The following MYO1B variants were observed in gnomAD, a reference collection of about 807,000 sequenced individuals.
MYO1B encodes myosin IB.
In MYO1B, 72 loss-of-function variants were observed where a neutral mutation model predicts 159.7. That is an observed-to-expected ratio of 0.45 (90% CI 0.37 to 0.55). MYO1B has a LOEUF of 0.55. Ranked by LOEUF, MYO1B falls within the 20% of genes least tolerant of loss-of-function variation. The probability of loss-of-function intolerance (pLI) is 0.00; values close to 1 mark genes in which losing one functional copy is unlikely to be tolerated. For missense variants in MYO1B, 1,062 were observed against 1,364.8 expected, an observed-to-expected ratio of 0.78 and a Z score of 3.50; for synonymous variants, 468 against 473.8, an observed-to-expected ratio of 0.99 and a Z score of 0.16.
chr2:191,341,652 G>A (rs965203628), intron 5 of MYO1B, 87 bp downstream of exon 5: 6 of 1,023,166 alleles, frequency 5.9e-6, no homozygotes, highest in Admixed American at 2.0e-5. Context: ...TCTGCTGGGA[G>A]GTATTCTGGG....
chr2:191,419,658 A>T (rs2222184), intron 30 of MYO1B, among the ~76,000 whole-genome samples: 123,026 of 152,148 alleles, frequency 0.81, 53,903 homozygotes, highest in Non-Finnish European at 0.98. Context: ...CATGTGTATT[A>T]TTACCCCTGA....
chr2:191,406,106 T>G (rs1574628767), intron 24 of MYO1B, among the ~76,000 whole-genome samples: 1 of 152,248 alleles, frequency 6.6e-6, no homozygotes, highest in Non-Finnish European at 1.5e-5. Context: ...ACTTGCTGCT[T>G]CTTTCCTTAA....
intron 1 of MYO1B, among the ~76,000 whole-genome samples, chr2:191,250,609 TATG>T (rs1394030908): frequency 6.6e-6 from 1 of 152,256 alleles, no homozygotes; most frequent in African/African-American, 2.4e-5. Context: ...CATTGAGTTA[TATG>T]ATATTATTCA....
At chr2:191,249,902 C>T (rs746452115) in intron 1 of MYO1B, among the ~76,000 whole-genome samples, 2 of 152,206 alleles carry the variant, frequency 1.3e-5, no homozygotes, top group African/African-American at 2.4e-5. Flanking sequence ...TAAACTCTAA[C>T]AGGTGAGCAC....
At chr2:191,272,804 A>G (rs899413562) in intron 1 of MYO1B, among the ~76,000 whole-genome samples, 3 of 152,218 alleles carry the variant, frequency 2.0e-5, no homozygotes, top group Non-Finnish European at 2.9e-5. Flanking sequence ...CTATTTCACT[A>G]TTAAATAGCG....
chr2:191,252,512 C>T (rs13030978), intron 1 of MYO1B, among the ~76,000 whole-genome samples: 36,903 of 152,192 alleles, frequency 0.24, 4,959 homozygotes, highest in South Asian at 0.39. Flanking sequence ...CCTGCATTCA[C>T]ACAATTCACA....
At chr2:191,318,280 T>G (rs1156930995) in intron 3 of MYO1B, among the ~76,000 whole-genome samples, 1 of 152,216 alleles carries the variant, frequency 6.6e-6, no homozygotes, top group Non-Finnish European at 1.5e-5. Context: ...AGGAGGGCCT[T>G]GCTTGCTTTG....
rs534757744 is a variant in MYO1B at position 191,344,792 on chromosome 2, T to C, written c.452-1444T>C. Reference sequence around the variant, plus strand: ...TTGCAGTGAGCCGAGATCCCGCCGCTGCACTCCAGCCTGGGCGACAGAGCG... The same window carrying C: ...TTGCAGTGAGCCGAGATCCCGCCGCCGCACTCCAGCCTGGGCGACAGAGCG... On this transcript the variant is annotated intron_variant, in intron 5 of 30. Coordinates refer to ENST00000392318, the MANE Select transcript of MYO1B (RefSeq NM_001130158.3). Among the ~76,000 whole-genome samples, 81 of 123,716 alleles carry C rather than the reference T, an allele frequency of 6.5e-4. 1 individual carries two copies. Among genetic ancestry groups the C allele is most frequent in the African/African-American group, 2.6e-3 (79 of 30,956 alleles). The allele number at this position is 123,716 out of a possible 152,430, so 81.2% of individuals were successfully genotyped here.
intron 3 of MYO1B, among the ~76,000 whole-genome samples, chr2:191,314,145 T>A (rs1315806743): frequency 1.1e-4 from 16 of 152,342 alleles, no homozygotes; most frequent in South Asian, 2.1e-4. Flanking sequence ...TTCAATTTTT[T>A]AAAAAATAAT....
At position 191,408,173 on chromosome 2, in the gene MYO1B, T is replaced by A; in HGVS notation, c.2615T>A (p.Phe872Tyr). The A allele has an allele frequency of 6.2e-7, 1 of 1,612,724 alleles. No homozygotes were observed. Among genetic ancestry groups the A allele is most frequent in the Non-Finnish European group, 8.5e-7 (1 of 1,178,902 alleles). Residue 872 changes from phenylalanine to tyrosine, a missense_variant, in exon 25 of 31, where the codon TTT (phenylalanine) becomes TAT (tyrosine). Phe to Tyr is a conservative substitution (Grantham distance 22). Transcript: ENST00000392318. ...AATGCTGGAAAGAAAATCTATGAGT[T>A]TACGCTTCAGAGAATTGTAAGTTGA... ...RANAGKKIYE[F>Y]TLQRIVQKYF... is the part of the protein sequence containing the mutation.
intron 4 of MYO1B, among the ~76,000 whole-genome samples, chr2:191,335,683 G>T (rs559440712): frequency 2.6e-5 from 4 of 152,202 alleles, no homozygotes; most frequent in Non-Finnish European, 5.9e-5. Context: ...TGTGCTGTGT[G>T]CTTGACATAT....
intron 5 of MYO1B, among the ~76,000 whole-genome samples, chr2:191,344,606 G>A (rs1032236842): frequency 2.6e-5 from 4 of 151,938 alleles, no homozygotes; most frequent in African/African-American, 9.7e-5. Context: ...CGAGGGGGGT[G>A]GATCACGAGG....
rs190149958 is a variant in MYO1B, at chr2:191,340,950, C to T, written c.347-511C>T. ...ATATCAGCCAGGCTGGTCTCAACCT[C>T]GTGACCTCATGATCCGCCCACCTCA... On this transcript the variant is annotated intron_variant, in intron 4 of 30. Coordinates refer to ENST00000392318, the MANE Select transcript of MYO1B (RefSeq NM_001130158.3). Among the ~76,000 whole-genome samples, 566 of 152,204 alleles carry T rather than the reference C, an allele frequency of 3.7e-3. 1 individual carries two copies. Among genetic ancestry groups the T allele is most frequent in the African/African-American group, 0.013 (535 of 41,530 alleles).
chr2:191,379,337 G>C (rs932951059), intron 13 of MYO1B: 6 of 152,666 alleles, frequency 3.9e-5, no homozygotes, highest in African/African-American at 1.4e-4. Context: ...TTCTCTAGCT[G>C]TGTGAGTTTT....
intron 2 of MYO1B, among the ~76,000 whole-genome samples, chr2:191,291,424 C>T (rs1021009406): frequency 9.9e-5 from 15 of 151,886 alleles, no homozygotes; most frequent in Non-Finnish European, 1.5e-5. Context: ...AAAGGTAGAG[C>T]TTGTTTTCTT....
At chr2:191,341,741 T>C (rs556326123) in intron 5 of MYO1B, among the ~76,000 whole-genome samples, 176 bp downstream of exon 5, 1 of 152,314 alleles carries the variant, frequency 6.6e-6, no homozygotes, top group Admixed American at 6.5e-5. Context: ...GGCCTAAGTG[T>C]TTAGCAGAAT....
intron 2 of MYO1B, among the ~76,000 whole-genome samples, chr2:191,285,009 T>C (rs1688281787): frequency 6.6e-6 from 1 of 152,210 alleles, no homozygotes; most frequent in African/African-American, 2.4e-5. Context: ...TCTTTCTGTA[T>C]TCCTTTCATA....
At chr2:191,421,194 C>T (rs371641125) in intron 30 of MYO1B, among the ~76,000 whole-genome samples, 10 of 151,912 alleles carry the variant, frequency 6.6e-5, no homozygotes, top group Admixed American at 5.2e-4. Flanking sequence ...CTCAGTTCCC[C>T]GAGTAGCTGA....
At chr2:191,309,913 T>C (rs1449289094) in intron 3 of MYO1B, among the ~76,000 whole-genome samples, 1 of 152,230 alleles carries the variant, frequency 6.6e-6, no homozygotes, top group East Asian at 1.9e-4. Context: ...TTACCATCCC[T>C]GTATCCATAG....
Sources: allele counts gnomAD v4.1 joint callset (sites outside exome capture counted in the v4.1 genomes callset), GRCh38; gene constraint gnomAD v4.1.1; transcripts MANE v1.5; gene names NCBI Gene and HGNC (gene_info 2026-07-23, HGNC 2026-07-21).